PIP4K2A: variants seen among roughly 807,000 people sequenced by gnomAD.
The protein encoded by PIP4K2A is phosphatidylinositol 5-phosphate 4-kinase type-2 alpha.
A neutral mutation model predicts 42.9 loss-of-function variants in PIP4K2A; 14 were observed. The observed-to-expected ratio is 0.33, with a 90% CI of 0.22 to 0.51. PIP4K2A has a LOEUF of 0.51. Among genes scored for constraint, PIP4K2A ranks in the 20% least tolerant of loss-of-function variants. PIP4K2A has a pLI of 0.97. For missense variants in PIP4K2A, 434 were observed against 519.8 expected (o/e 0.83, Z 1.61); for synonymous variants, 192 against 192.2 (o/e 1.00, Z 0.01).
chr10:22,639,770 T>G (rs1564452009), intron 1 of PIP4K2A, among the ~76,000 whole-genome samples: 1 of 152,226 alleles, frequency 6.6e-6, no homozygotes, highest in Admixed American at 6.5e-5. Context: ...AGGATTGTTA[T>G]GAACACCATC....
chr10:22,547,641 C>T (rs1369722569), intron 7 of PIP4K2A, among the ~76,000 whole-genome samples: 1 of 152,190 alleles, frequency 6.6e-6, no homozygotes, highest in Non-Finnish European at 1.5e-5. Flanking sequence ...ACTGAAATGC[C>T]CTGTGAGGGG....
At chr10:22,586,843 C>G (rs919282862) in intron 4 of PIP4K2A, among the ~76,000 whole-genome samples, 6 of 152,284 alleles carry the variant, frequency 3.9e-5, no homozygotes, top group Admixed American at 6.5e-5. Flanking sequence ...TTTAGCACTT[C>G]TTATATACTA....
intron 1 of PIP4K2A, among the ~76,000 whole-genome samples, chr10:22,648,075 G>T (rs1001571125): frequency 6.6e-6 from 1 of 152,074 alleles, no homozygotes; most frequent in Admixed American, 6.5e-5. Context: ...CCTCCTCAAA[G>T]CCTTCCTGGA....
chr10:22,710,524 G>C (rs1588720368), intron 1 of PIP4K2A, among the ~76,000 whole-genome samples: 1 of 152,328 alleles, frequency 6.6e-6, no homozygotes, highest in Non-Finnish European at 1.5e-5. Context: ...GTGAAATACA[G>C]GAACCGTTCA....
At chr10:22,669,571 G>C (rs1372634441) in intron 1 of PIP4K2A, among the ~76,000 whole-genome samples, 1 of 152,204 alleles carries the variant, frequency 6.6e-6, no homozygotes, top group Non-Finnish European at 1.5e-5. Context: ...CCTCTCCACA[G>C]AGTCAAGACA....
At position 22,630,767 on chromosome 10, in the gene PIP4K2A, C is replaced by A. The variant is rs539041828; in HGVS notation, c.145-21050G>T. Among the ~76,000 whole-genome samples the A allele has an allele frequency of 3.9e-4, 59 of 152,336 alleles. No homozygotes were observed. The South Asian group carries it at 0.012, about 30-fold the overall frequency. ...TAAGTTTTGGTTTCAAAATCCCCAA[C>A]AGTCCTCTAAAGCTGGGACAGGATA... On this transcript the variant is annotated intron_variant, in intron 1 of 9. Transcript: ENST00000376573.
Position 22,573,405 on chromosome 10 carries a change from T to A in PIP4K2A, c.545A>T (p.Tyr182Phe). 1 of 1,613,862 alleles carries A rather than the reference T, an allele frequency of 6.2e-7. No individual in the cohort carries two copies. Residue 182 changes from tyrosine to phenylalanine, a missense_variant, in exon 5 of 10, where the codon TAC becomes TTC. Physicochemically the swap from Tyr to Phe is conservative, Grantham distance 22. Around this residue, in one of 2 missense-constraint regions of PIP4K2A, gnomAD observed 395 missense variants for 444.5 expected, o/e 0.89. Transcript: ENST00000376573. Reference sequence around the variant, plus strand: ...TTCAACTCCATCAACATTAAGCCGGTACATGCCCAAGAACTGGGGAAGAAG... The same window carrying A: ...TTCAACTCCATCAACATTAAGCCGGAACATGCCCAAGAACTGGGGAAGAAG... ...ITLLPQFLGMYRLNVDGVEIY... is the reference protein window; with the variant it reads ...ITLLPQFLGMFRLNVDGVEIY...
At position 22,671,201 on chromosome 10, in the gene PIP4K2A, A is replaced by G. The variant is rs1248450939; in HGVS notation, c.144+42982T>C. On this transcript the variant is annotated intron_variant, in intron 1 of 9. Transcript: ENST00000376573. ...ATACACACACATATATCAGTCTAAAATATTATAGAAATAGCTAATTCAACA... is the reference window on the plus strand; with the variant it reads ...ATACACACACATATATCAGTCTAAAGTATTATAGAAATAGCTAATTCAACA... Among the ~76,000 whole-genome samples, 5 of 152,318 alleles carry G rather than the reference A, an allele frequency of 3.3e-5. No individual in the cohort carries two copies. In the South Asian group the frequency reaches 6.2e-4, roughly 19 times the overall value.
chr10:22,712,809 A>ACGAT (rs1833933068), intron 1 of PIP4K2A, among the ~76,000 whole-genome samples: 1 of 152,134 alleles, frequency 6.6e-6, no homozygotes, highest in Non-Finnish European at 1.5e-5. Context: ...CCATGCAAAC[A>ACGAT]CGATCGATCC....
intron 1 of PIP4K2A, among the ~76,000 whole-genome samples, chr10:22,660,831 T>C (rs1037375805): frequency 6.7e-6 from 1 of 150,136 alleles, no homozygotes; most frequent in Non-Finnish European, 1.5e-5. Flanking sequence ...AAAAAAAAAG[T>C]TTATATGAAA....
intron 1 of PIP4K2A, among the ~76,000 whole-genome samples, chr10:22,616,003 G>A (rs1198728926): frequency 6.6e-6 from 1 of 152,120 alleles, no homozygotes; most frequent in Non-Finnish European, 1.5e-5. Context: ...TGCAGGTGTG[G>A]GTCTGCACTG....
At chr10:22,555,101 C>T (rs371728171) in intron 6 of PIP4K2A, among the ~76,000 whole-genome samples, 7 of 152,340 alleles carry the variant, frequency 4.6e-5, no homozygotes, top group South Asian at 4.1e-4. Flanking sequence ...GCTTCCCGTT[C>T]GGATAAAATG....
chr10:22,596,633 C>T (rs1203011718), intron 3 of PIP4K2A, among the ~76,000 whole-genome samples: 1 of 152,190 alleles, frequency 6.6e-6, no homozygotes, highest in Non-Finnish European at 1.5e-5. Flanking sequence ...GTTGGGAGGC[C>T]CTTGATGGAA....
chr10:22,666,586 C>T (rs1588695610), intron 1 of PIP4K2A, among the ~76,000 whole-genome samples: 1 of 152,224 alleles, frequency 6.6e-6, no homozygotes, highest in East Asian at 1.9e-4. Context: ...CAGGCTAACA[C>T]AGCCCCTGTG....
intron 4 of PIP4K2A, among the ~76,000 whole-genome samples, chr10:22,575,017 C>A (rs561062288): frequency 1.3e-5 from 2 of 152,044 alleles, no homozygotes; most frequent in African/African-American, 4.8e-5. Context: ...TGTGTCCTGG[C>A]GCCTCCATTT....
chr10:22,631,737 A>G (rs1318763204), intron 1 of PIP4K2A, among the ~76,000 whole-genome samples: 1 of 152,258 alleles, frequency 6.6e-6, no homozygotes, highest in East Asian at 1.9e-4. Context: ...TACCACAGTA[A>G]TAACTGTTAC....
chr10:22,659,588 G>C (rs147895341), intron 1 of PIP4K2A: 1 of 152,280 alleles, frequency 6.6e-6, no homozygotes, highest in Admixed American at 6.5e-5. Flanking sequence ...ATGCTCCGTA[G>C]AGCAGATCGA....
chr10:22,613,486 G>A (rs1838102140), intron 1 of PIP4K2A, among the ~76,000 whole-genome samples: 1 of 152,190 alleles, frequency 6.6e-6, no homozygotes, highest in South Asian at 2.1e-4. Context: ...GTGTCATGGG[G>A]AGGGAGCAGA....
At chr10:22,616,537 C>T (rs1838181186) in intron 1 of PIP4K2A, among the ~76,000 whole-genome samples, 1 of 152,148 alleles carries the variant, frequency 6.6e-6, no homozygotes, top group South Asian at 2.1e-4. Flanking sequence ...ACATGAGTTA[C>T]CTGGAATATA....
Sources: gnomAD v4.1 joint callset for allele counts (sites outside exome capture counted in the v4.1 genomes callset) on GRCh38, gnomAD v4.1.1 for gene constraint, gnomAD v4.1.1 regional missense constraint, MANE v1.5 for transcripts, NCBI Gene and HGNC (gene_info 2026-07-23, HGNC 2026-07-21) for gene names.